The following CHST13 variants were observed in gnomAD, a reference collection of about 807,000 sequenced individuals.
CHST13 encodes the protein carbohydrate sulfotransferase 13.
Under a neutral mutation model 7.0 loss-of-function variants are expected in CHST13, and 1 was observed. The ratio of observed to expected loss-of-function variants is 0.14; its 90% confidence interval spans 0.05 to 0.68. CHST13 has a LOEUF of 0.68. CHST13 is among the 30% of genes least tolerant of loss of function. CHST13 has a pLI of 0.82. For missense variants in CHST13, 572 were observed against 507.9 expected, an observed-to-expected ratio of 1.13 and a Z score of -1.21; for synonymous variants, 257 against 240.9, an observed-to-expected ratio of 1.07 and a Z score of -0.62.
At chr3:126,529,679 C>T (rs1259927685) in intron 1 of CHST13, among the ~76,000 whole-genome samples, 1 of 152,162 alleles carries the variant, frequency 6.6e-6, no homozygotes, top group African/African-American at 2.4e-5. Context: ...CCTTCTCTTT[C>T]TCCCAGCCTC....
intron 1 of CHST13, among the ~76,000 whole-genome samples, chr3:126,526,557 G>A (rs965142427): frequency 1.3e-5 from 2 of 152,208 alleles, no homozygotes; most frequent in African/African-American, 4.8e-5. Context: ...CAGAGGTGCT[G>A]CCGTAAGTTG....
At position 126,542,013 on chromosome 3, in the gene CHST13, A is replaced by C. The variant is rs528621656; in HGVS notation, c.461A>C (p.Asp154Ala). 6.4e-7 allele frequency: 1 copy of C among 1,562,782 alleles called. No homozygotes were observed. The highest frequency in any genetic ancestry group is 1.2e-5 in the South Asian group (1 of 86,752). ...HAPGRLPSLA[D>A]FSPAEINRRL... ...CCTGGCCGCCTGCCCTCACTGGCCG[A>C]CTTCAGCCCCGCCGAGATCAACCGG... Residue 154 changes from aspartate to alanine, a missense_variant, in exon 3 of 3, where the codon GAC (aspartate) becomes GCC (alanine). Physicochemically the swap from Asp to Ala is moderately radical, Grantham distance 126. Transcript: ENST00000319340.
At chr3:126,539,948 T>C (rs1342836492) in intron 2 of CHST13, among the ~76,000 whole-genome samples, 19 of 13,640 alleles carry the variant, frequency 1.4e-3, no homozygotes, top group African/African-American at 3.9e-3. Context: ...ATGCCACACC[T>C]GCCACACATG....
In CHST13 at chr3:126,541,798, C is replaced by T; in HGVS notation, c.246C>T (p.Ser82=). Residue 82 remains serine, a synonymous_variant, in exon 3 of 3, where the codon AGC becomes AGT. Coordinates refer to ENST00000319340, the MANE Select transcript of CHST13 (RefSeq NM_152889.3). ...QRRDLLNSAC[S]RHSRRQRLLQ... The stretch of plus-strand genomic sequence containing the variant: ...GCGACCTGCTGAACAGCGCCTGTAG[C>T]CGCCACTCACGCCGGCAGCGCCTGC... The T allele has an allele frequency of 1.3e-6, 2 of 1,549,292 alleles. No individual in the cohort carries two copies. Among genetic ancestry groups the T allele is most frequent in the Non-Finnish European group, 8.7e-7 (1 of 1,148,660 alleles).
chr3:126,539,796 G>GGTGT, intron 2 of CHST13, among the ~76,000 whole-genome samples: 1 of 6,172 alleles, frequency 1.6e-4, no homozygotes, highest in Admixed American at 1.7e-3. Flanking sequence ...ACACACCACA[G>GGTGT]ACACCACACC....
At chr3:126,527,360 T>C (rs1465638366) in intron 1 of CHST13, 1 of 152,310 alleles carries the variant, frequency 6.6e-6, no homozygotes, top group Non-Finnish European at 1.5e-5. Flanking sequence ...TGCCTCTGCC[T>C]CGGACAGGCA....
In CHST13 at chr3:126,524,220, C is replaced by T; in HGVS notation, c.-113C>T. 1 of 856,946 alleles carries T rather than the reference C, an allele frequency of 1.2e-6. No individual in the cohort carries two copies. Among genetic ancestry groups the T allele is most frequent in the South Asian group, 6.0e-5 (1 of 16,768 alleles). The allele number at this position is 856,946 out of a possible 1,614,324, so 53.1% of individuals were successfully genotyped here. A position where few individuals can be genotyped will look rare whatever the true frequency, so the allele number is the denominator to read the frequency against. ...AGCTGCCGTGCTCCCCTGCCCTGCG[C>T]CGCGCCGCGCGTCTTGGTAGGCGCT... On this transcript the variant is annotated 5_prime_UTR_variant, in exon 1 of 3. Transcript: ENST00000319340.
intron 2 of CHST13, among the ~76,000 whole-genome samples, chr3:126,540,066 G>A (rs1936923885): frequency 7.0e-6 from 1 of 143,494 alleles, no homozygotes; most frequent in Non-Finnish European, 1.5e-5. Flanking sequence ...ATGCACCACA[G>A]GCACACACCA....
chr3:126,524,572 G>A, intron 1 of CHST13, 143 bp downstream of exon 1: 2 of 361,356 alleles, frequency 5.5e-6, no homozygotes, highest in African/African-American at 2.1e-5. Context: ...CAGGGGCGCT[G>A]GTGAGGCACA....
rs762683252 is a variant in CHST13 at position 126,542,202 on chromosome 3, G to A, written c.650G>A (p.Arg217Gln). ...CGGCCGCGCGCGCTCCCCGACGCCC[G>A]GGCCCGCGGCCACGACGTGCGCTTC... is the stretch of plus-strand genomic sequence containing the variant. ...RLRPRALPDA[R>Q]ARGHDVRFAE... The change falls in exon 3 of 3, where the codon CGG (arginine) becomes CAG (glutamine). Residue 217 changes from arginine to glutamine, a missense_variant. Arg to Gln is a conservative substitution (Grantham distance 43). Transcript: ENST00000319340. 4.1e-6 allele frequency: 6 copies of A among 1,446,624 alleles called. No homozygotes were observed. Among genetic ancestry groups the A allele is most frequent in the Non-Finnish European group, 3.6e-6 (4 of 1,107,678 alleles). The allele number at this position is 1,446,624 out of a possible 1,614,324, so 89.6% of individuals were successfully genotyped here. A position where few individuals can be genotyped will look rare whatever the true frequency, so the allele number is the denominator to read the frequency against.
At chr3:126,538,094 T>A (rs1440602172) in intron 2 of CHST13, among the ~76,000 whole-genome samples, 1 of 152,148 alleles carries the variant, frequency 6.6e-6, no homozygotes, top group African/African-American at 2.4e-5. Context: ...TTCCCCTGAG[T>A]CTCAGTTTTC....
chr3:126,531,261 A>G (rs972844680), intron 1 of CHST13, among the ~76,000 whole-genome samples: 1 of 152,298 alleles, frequency 6.6e-6, no homozygotes, highest in East Asian at 1.9e-4. Flanking sequence ...CTTGAGTTTA[A>G]TGGGCCCCAC....
chr3:126,531,577 A>G (rs925288847), intron 1 of CHST13, among the ~76,000 whole-genome samples: 5 of 152,208 alleles, frequency 3.3e-5, no homozygotes, highest in Non-Finnish European at 1.5e-5. Flanking sequence ...CTGGCCTTTT[A>G]TGTCTGGCTC....
At chr3:126,530,529 T>C (rs563986212) in intron 1 of CHST13, among the ~76,000 whole-genome samples, 2 of 152,312 alleles carry the variant, frequency 1.3e-5, no homozygotes, top group East Asian at 3.9e-4. Flanking sequence ...CCAGCCACAG[T>C]TCCCAGGAAA....
chr3:126,536,205 C>A, intron 1 of CHST13, 66 bp from the exon 2 acceptor site: 3 of 1,447,218 alleles, frequency 2.1e-6, no homozygotes, highest in South Asian at 1.2e-5. Flanking sequence ...GATGGGTTGG[C>A]CAAACCCCCA....
At chr3:126,538,798 A>T (rs1936857746) in intron 2 of CHST13, among the ~76,000 whole-genome samples, 1 of 152,110 alleles carries the variant, frequency 6.6e-6, no homozygotes, top group South Asian at 2.1e-4. Context: ...TCCCATGGTG[A>T]GTGTGGCTAA....
chr3:126,533,730 C>G (rs1936706429), intron 1 of CHST13, among the ~76,000 whole-genome samples: 2 of 152,002 alleles, frequency 1.3e-5, no homozygotes, highest in Non-Finnish European at 2.9e-5. Context: ...ATAATACTGG[C>G]CTTATGTAAT....
At chr3:126,533,342 T>TGG (rs1936696884) in intron 1 of CHST13, among the ~76,000 whole-genome samples, 1 of 152,170 alleles carries the variant, frequency 6.6e-6, no homozygotes, top group Non-Finnish European at 1.5e-5. Context: ...CTTTCACTAT[T>TGG]AAGTTATCTG....
chr3:126,541,553 A>C (rs1386184410), intron 2 of CHST13, among the ~76,000 whole-genome samples, 180 bp from the exon 3 acceptor site: 1 of 152,176 alleles, frequency 6.6e-6, no homozygotes, highest in Non-Finnish European at 1.5e-5. Context: ...ATCTCGGCCC[A>C]GGACAGATGC....
Sources: gnomAD v4.1 joint callset for allele counts (sites outside exome capture counted in the v4.1 genomes callset) on GRCh38, gnomAD v4.1.1 for gene constraint, MANE v1.5 for transcripts, NCBI Gene and HGNC (gene_info 2026-07-23, HGNC 2026-07-21) for gene names.